The following ALDH1L1 variants were observed in gnomAD, a reference collection of about 807,000 sequenced individuals.
ALDH1L1 encodes cytosolic 10-formyltetrahydrofolate dehydrogenase.
In ALDH1L1, 68 loss-of-function variants were observed where a neutral mutation model predicts 101.1. The ratio of observed to expected loss-of-function variants is 0.67; its 90% confidence interval spans 0.55 to 0.82. The LOEUF (loss-of-function observed/expected upper bound fraction) is 0.82. Among genes scored for constraint, ALDH1L1 ranks in the 40% least tolerant of loss-of-function variants. The probability of loss-of-function intolerance (pLI) is 0.00; values close to 1 mark genes in which losing one functional copy is unlikely to be tolerated. For synonymous variants in ALDH1L1, 486 were observed against 470.8 expected (o/e 1.03, Z -0.42); for missense variants, 1,087 against 1,172.7 (o/e 0.93, Z 1.07).
At chr3:126,109,873 G>C (rs1440626449) in intron 20 of ALDH1L1, 71 bp downstream of exon 20, 1 of 1,581,944 alleles carries the variant, frequency 6.3e-7, no homozygotes, top group African/African-American at 1.3e-5. Flanking sequence ...AGTTCAGCTG[G>C]ACAGGGAACC....
At chr3:126,113,360 C>G (rs1946140876) in intron 18 of ALDH1L1, among the ~76,000 whole-genome samples, 1 of 152,142 alleles carries the variant, frequency 6.6e-6, no homozygotes, top group East Asian at 1.9e-4. Context: ...GCAGGCAGCC[C>G]CGACATGGGT....
chr3:126,170,950 A>G (rs781494134), intron 1 of ALDH1L1, among the ~76,000 whole-genome samples: 1 of 152,164 alleles, frequency 6.6e-6, no homozygotes, highest in African/African-American at 2.4e-5. Context: ...GGGCCTTAAT[A>G]ATAAGGAACA....
At chr3:126,131,323 T>G in intron 13 of ALDH1L1, 61 bp downstream of exon 13, 1 of 1,483,764 alleles carries the variant, frequency 6.7e-7, no homozygotes, top group Non-Finnish European at 9.1e-7. Flanking sequence ...GCCCTTGGAG[T>G]TCTCCTATAT....
intron 1 of ALDH1L1, among the ~76,000 whole-genome samples, chr3:126,193,185 T>A (rs1209758893): frequency 6.6e-6 from 1 of 152,220 alleles, no homozygotes; most frequent in Non-Finnish European, 1.5e-5. Context: ...TCAGGCCATA[T>A]TTAGTTTGCT....
At chr3:126,157,892 G>A (rs963421944) in intron 3 of ALDH1L1, among the ~76,000 whole-genome samples, 1 of 152,066 alleles carries the variant, frequency 6.6e-6, no homozygotes, top group Non-Finnish European at 1.5e-5. Flanking sequence ...TTCCCTCTTT[G>A]ACCACCCATC....
chr3:126,111,868 C>T (rs1020272838), intron 19 of ALDH1L1, among the ~76,000 whole-genome samples: 4 of 152,330 alleles, frequency 2.6e-5, no homozygotes, highest in Non-Finnish European at 5.9e-5. Context: ...CTAAGCCAAC[C>T]TCAGCTTGCT....
At chr3:126,131,223 C>T (rs2080295612) in intron 13 of ALDH1L1, among the ~76,000 whole-genome samples, 161 bp downstream of exon 13, 2 of 152,234 alleles carry the variant, frequency 1.3e-5, no homozygotes, top group African/African-American at 2.4e-5. Context: ...GCCTGGAATT[C>T]CCACCTGCAG....
chr3:126,139,503 A>C (rs1442000029), intron 9 of ALDH1L1, among the ~76,000 whole-genome samples: 2 of 93,236 alleles, frequency 2.1e-5, no homozygotes, highest in Non-Finnish European at 4.2e-5. Context: ...TCTACAAAAC[A>C]TATGAAGAAA....
At chr3:126,189,147 G>A (rs762521722) in intron 1 of ALDH1L1, among the ~76,000 whole-genome samples, 54 of 152,102 alleles carry the variant, frequency 3.6e-4, no homozygotes, top group Non-Finnish European at 6.2e-4. Flanking sequence ...AATTGCATTA[G>A]GTATGTTCCT....
intron 19 of ALDH1L1, among the ~76,000 whole-genome samples, 162 bp downstream of exon 19, chr3:126,112,620 G>A (rs114049099): frequency 6.6e-6 from 1 of 152,250 alleles, no homozygotes; most frequent in Non-Finnish European, 1.5e-5. Context: ...TGAAGACTCA[G>A]CACAGCTCCC....
chr3:126,132,227 G>A (rs927532632), intron 12 of ALDH1L1, among the ~76,000 whole-genome samples: 1 of 152,208 alleles, frequency 6.6e-6, no homozygotes, highest in South Asian at 2.1e-4. Context: ...CAGGCCCAGA[G>A]CAAACTCAGC....
chr3:126,139,497 C>T (rs539686482), intron 9 of ALDH1L1, among the ~76,000 whole-genome samples: 63 of 141,660 alleles, frequency 4.4e-4, no homozygotes, highest in African/African-American at 1.8e-3. Context: ...GAAAGATCTA[C>T]AAAACATATG....
At chr3:126,137,745 T>C in intron 10 of ALDH1L1, 68 bp downstream of exon 10, 1 of 1,562,836 alleles carries the variant, frequency 6.4e-7, no homozygotes, top group South Asian at 1.2e-5. Flanking sequence ...CCTCTTGTCT[T>C]ATGTAGTCAT....
At chr3:126,127,030 C>A (rs2080200888) in intron 14 of ALDH1L1, among the ~76,000 whole-genome samples, 2 of 152,206 alleles carry the variant, frequency 1.3e-5, no homozygotes, top group Admixed American at 1.3e-4. Context: ...TCAGGACAGA[C>A]CCTCACAGCC....
Position 126,136,646 on chromosome 3 carries a change from A to T in ALDH1L1, c.1344+118T>A, listed in dbSNP as rs934800510. The T allele has an allele frequency of 1.6e-5, 23 of 1,451,818 alleles. No individual in the cohort carries two copies. In the African/African-American group the frequency reaches 3.3e-4, roughly 21 times the overall value. The allele number at this position is 1,451,818 out of a possible 1,614,324, so 89.9% of individuals were successfully genotyped here. ...CTGGCATTCTTTCCCGTCCCTCTCA[A>T]AGGCACATGTCCAAGCAGAGACTCT... is the stretch of plus-strand genomic sequence containing the variant. On this transcript the variant is annotated intron_variant, in intron 11 of 22. Transcript: ENST00000393434.
At chr3:126,149,656 G>A (rs972443289) in intron 8 of ALDH1L1, among the ~76,000 whole-genome samples, 6 of 152,150 alleles carry the variant, frequency 3.9e-5, no homozygotes, top group Non-Finnish European at 7.4e-5. Flanking sequence ...GAGCCTTGCC[G>A]CACATGTGCT....
chr3:126,129,457 A>G (rs957706021), intron 14 of ALDH1L1: 4 of 152,670 alleles, frequency 2.6e-5, no homozygotes, highest in African/African-American at 9.6e-5. Context: ...CTCCTGTGGC[A>G]CCGCGTGCAG....
intron 9 of ALDH1L1, among the ~76,000 whole-genome samples, chr3:126,140,432 G>T (rs1016845179): frequency 1.3e-5 from 2 of 152,066 alleles, no homozygotes; most frequent in African/African-American, 4.8e-5. Context: ...TGAGATAAAA[G>T]TACCATAGAC....
chr3:126,118,045 AC>A lies in ALDH1L1; in HGVS notation c.1941del (p.Phe648SerfsTer12). On this transcript the variant is annotated frameshift_variant, in exon 17 of 23. Coordinates refer to ENST00000393434, the MANE Select transcript of ALDH1L1 (RefSeq NM_012190.4). LOFTEE classifies it high-confidence loss of function. The stretch of plus-strand genomic sequence containing the variant: ...TTGCCCACCTCTGTGGAGCCTGTGA[AC>A]CCGATTTTCCTCACATCAGGATGGT... ...LSDHPDVRKIGFTGSTEVGKH... is the reference protein window; with the variant it reads ...LSDHPDVRKIXFTGSTEVGKH... 6.2e-7 allele frequency: 1 copy of A among 1,612,630 alleles called. No individual in the cohort carries two copies. The highest frequency in any genetic ancestry group is 8.5e-7 in the Non-Finnish European group (1 of 1,179,358).
Sources: gnomAD v4.1 joint callset for allele counts (sites outside exome capture counted in the v4.1 genomes callset) on GRCh38, gnomAD v4.1.1 for gene constraint, MANE v1.5 for transcripts, NCBI Gene and HGNC (gene_info 2026-07-23, HGNC 2026-07-21) for gene names.